CD58: variants seen among roughly 807,000 people sequenced by gnomAD.
CD58 encodes lymphocyte function-associated antigen 3.
Under a neutral mutation model 27.6 loss-of-function variants are expected in CD58, and 14 were observed. The ratio of observed to expected loss-of-function variants is 0.51; its 90% CI spans 0.34 to 0.79. CD58 has a LOEUF of 0.79. Among genes scored for constraint, CD58 ranks in the 30% least tolerant of loss-of-function variants. The pLI, the probability that CD58 is intolerant of heterozygous loss-of-function variation, is 0.02. For synonymous variants in CD58, 117 were observed against 103.8 expected, an observed-to-expected ratio of 1.13 and a Z score of -0.77; for missense variants, 268 against 301.7, an observed-to-expected ratio of 0.89 and a Z score of 0.83.
intron 1 of CD58, among the ~76,000 whole-genome samples, chr1:116,544,841 T>G (rs1658111182): frequency 6.6e-6 from 1 of 152,168 alleles, no homozygotes; most frequent in Non-Finnish European, 1.5e-5. Context: ...CGGGCTGGGC[T>G]GGGAATATGG....
intron 1 of CD58, among the ~76,000 whole-genome samples, chr1:116,562,885 A>T (rs2101226887): frequency 6.6e-6 from 1 of 152,224 alleles, no homozygotes; most frequent in South Asian, 2.1e-4. Flanking sequence ...GCCCCTCCCA[A>T]ATCTCATGTC....
chr1:116,538,364 C>T lies in CD58; in HGVS notation c.365-2136G>A, dbSNP rs988413374. On this transcript the variant is annotated intron_variant, in intron 2 of 5. Transcript: ENST00000369489. This position sits in a 1 kb window ranked among gnomAD's most constrained non-coding sequence, Gnocchi z 4.7. Reference sequence around the variant, plus strand: ...TTGCCCACCCCACCCCATAGCAGCCCTCAGGGGACTTCCAAGGAACATGCA... The same window carrying T: ...TTGCCCACCCCACCCCATAGCAGCCTTCAGGGGACTTCCAAGGAACATGCA... Among the ~76,000 whole-genome samples, 8 of 152,114 alleles carry T rather than the reference C, an allele frequency of 5.3e-5. No individual in the cohort carries two copies. Among genetic ancestry groups the T allele is most frequent in the Non-Finnish European group, 1.2e-4 (8 of 68,012 alleles).
chr1:116,533,522 C>A, intron 3 of CD58: 1 of 729,190 alleles, frequency 1.4e-6, no homozygotes. Context: ...ACTTTAATAT[C>A]CTGCAGGTAT....
chr1:116,568,779 T>G (rs1048916282), intron 1 of CD58, among the ~76,000 whole-genome samples: 3 of 152,162 alleles, frequency 2.0e-5, no homozygotes, highest in Admixed American at 6.5e-5. Context: ...GGTACTGAAG[T>G]GAAGAGAAGT....
At chr1:116,555,438 A>T (rs1359752586) in intron 1 of CD58, among the ~76,000 whole-genome samples, 1 of 152,174 alleles carries the variant, frequency 6.6e-6, no homozygotes, top group African/African-American at 2.4e-5. Context: ...GCATGGGGTG[A>T]GTTTTTGCTG....
Position 116,544,591 on chromosome 1 carries a change from A to G in CD58, c.84T>C (p.Cys28=). ...CAACACCATATATTTGTTGGGAAAAACAGCTGATGAAACCTAGGAGAGAAA... is the reference window on the plus strand; with the variant it reads ...CAACACCATATATTTGTTGGGAAAAGCAGCTGATGAAACCTAGGAGAGAAA... ...CLLHCFGFIS[C]FSQQIYGVVY... is the part of the protein sequence containing the mutation. The change falls in exon 2 of 6, where the codon TGT becomes TGC. Residue 28 remains cysteine, a synonymous_variant. Coordinates refer to ENST00000369489, the MANE Select transcript of CD58 (RefSeq NM_001779.3). 1 of 1,581,632 alleles carries G rather than the reference A, an allele frequency of 6.3e-7. No individual in the cohort carries two copies. The highest frequency in any genetic ancestry group is 8.6e-7 in the Non-Finnish European group (1 of 1,165,682).
Position 116,559,741 on chromosome 1 carries a change from TA to T in CD58, c.70+11161del, listed in dbSNP as rs1388713509. Among the ~76,000 whole-genome samples, 1 of 152,238 alleles carries T rather than the reference TA, an allele frequency of 6.6e-6. No homozygotes were observed. The highest frequency in any genetic ancestry group is 2.4e-5 in the African/African-American group (1 of 41,468). On this transcript the variant is annotated intron_variant, in intron 1 of 5. Coordinates refer to ENST00000369489, the MANE Select transcript of CD58 (RefSeq NM_001779.3). The surrounding 1 kb of genome is among the most constrained non-coding windows in gnomAD (Gnocchi z 4.4). ...ATCAAGAATTAAGATGTTGGTTCTC[TA>T]AATCAACTTCTTTCTGTACTTTCCT... is the stretch of plus-strand genomic sequence containing the variant.
chr1:116,533,454 G>A (rs1289174979), intron 3 of CD58: 2 of 747,932 alleles, frequency 2.7e-6, no homozygotes, highest in African/African-American at 3.4e-5. Context: ...GCAGTCATTG[G>A]GTTGAAAGTG....
In CD58 at chr1:116,521,792, G is replaced by A. The variant is rs141514201; in HGVS notation, c.706+114C>T. On this transcript the variant is annotated intron_variant, in intron 4 of 5. Coordinates refer to ENST00000369489, the MANE Select transcript of CD58 (RefSeq NM_001779.3). The surrounding 1 kb of genome is among the most constrained non-coding windows in gnomAD (Gnocchi z 5.6). Reference sequence around the variant, plus strand: ...ACACACGTAAAGCAAAAAAGTTTTTGTTTCTTTTCAAATGTCTAAAATTTC... The same window carrying A: ...ACACACGTAAAGCAAAAAAGTTTTTATTTCTTTTCAAATGTCTAAAATTTC... 1 of 729,730 alleles carries A rather than the reference G, an allele frequency of 1.4e-6. No homozygotes were observed. Among genetic ancestry groups the A allele is most frequent in the African/African-American group, 1.8e-5 (1 of 55,524 alleles). The allele number at this position is 729,730 out of a possible 1,614,324, so 45.2% of individuals were successfully genotyped here.
At chr1:116,564,432 C>G (rs904921630) in intron 1 of CD58, among the ~76,000 whole-genome samples, 2 of 152,176 alleles carry the variant, frequency 1.3e-5, no homozygotes, top group East Asian at 1.9e-4. Context: ...TGCCCCACTA[C>G]CCAGTACCAA....
At chr1:116,562,318 A>G (rs1265423616) in intron 1 of CD58, among the ~76,000 whole-genome samples, 5 of 152,172 alleles carry the variant, frequency 3.3e-5, no homozygotes, top group Admixed American at 3.3e-4. Context: ...TAATAATAAA[A>G]TAGTTCCTAC....
chr1:116,528,948 T>C lies in CD58; in HGVS notation c.629-6965A>G, dbSNP rs184577804. 5.3e-5 allele frequency among the ~76,000 whole-genome samples: 8 copies of C among 152,360 alleles called. 1 individual carries two copies. Among genetic ancestry groups the C allele is most frequent in the Admixed American group, 4.6e-4 (7 of 15,306 alleles). ...AAACCATTGGCTGTATATAATGTTATACCAAATGTCCTCTCTTGAAACTCT... is the reference window on the plus strand; with the variant it reads ...AAACCATTGGCTGTATATAATGTTACACCAAATGTCCTCTCTTGAAACTCT... On this transcript the variant is annotated intron_variant, in intron 3 of 5. Coordinates refer to ENST00000369489, the MANE Select transcript of CD58 (RefSeq NM_001779.3). The surrounding 1 kb of genome is among the most constrained non-coding windows in gnomAD (Gnocchi z 4.4).
At chr1:116,553,429 G>A (rs1448693870) in intron 1 of CD58, among the ~76,000 whole-genome samples, 1 of 152,118 alleles carries the variant, frequency 6.6e-6, no homozygotes, top group Non-Finnish European at 1.5e-5. Flanking sequence ...GCTAGGCAAA[G>A]TGGTTCAAGA....
chr1:116,536,288 C>A lies in CD58; in HGVS notation c.365-60G>T. The stretch of plus-strand genomic sequence containing the variant: ...TAGTAATATTTAGACTTATCATCTG[C>A]AAATTTATGAAGAGCTCGCAACCTC... On this transcript the variant is annotated intron_variant, in intron 2 of 5. Coordinates refer to ENST00000369489, the MANE Select transcript of CD58 (RefSeq NM_001779.3). The surrounding 1 kb of genome is among the most constrained non-coding windows in gnomAD (Gnocchi z 5.4). 2.2e-6 allele frequency: 3 copies of A among 1,345,208 alleles called. No individual in the cohort carries two copies. The highest frequency in any genetic ancestry group is 3.0e-6 in the Non-Finnish European group (3 of 991,882). 83.3% of individuals were successfully genotyped at this position (1,345,208 alleles called of 1,614,324 possible).
Position 116,536,049 on chromosome 1 carries a change from G to T in CD58, c.544C>A (p.Pro182Thr). 2 of 1,612,972 alleles carry T rather than the reference G, an allele frequency of 1.2e-6. No individual in the cohort carries two copies. Among genetic ancestry groups the T allele is most frequent in the Non-Finnish European group, 1.7e-6 (2 of 1,179,278 alleles). Residue 182 changes from proline to threonine, a missense_variant, in exon 3 of 6, where the codon CCA becomes ACA. Transcript: ENST00000369489. The surrounding 1 kb of genome is among the most constrained non-coding windows in gnomAD (Gnocchi z 5.4). Reference protein sequence around the residue: ...SIYFKMENDLPQKIQCTLSNP... With the variant: ...SIYFKMENDLTQKIQCTLSNP... Reference sequence around the variant, plus strand: ...CTAAGAGTACACTGTATTTTTTGTGGAAGATCATTTTCCATCTTAAAATAT... The same window carrying T: ...CTAAGAGTACACTGTATTTTTTGTGTAAGATCATTTTCCATCTTAAAATAT...
chr1:116,521,998 A>T lies in CD58; in HGVS notation c.629-15T>A. On this transcript the variant is annotated splice_polypyrimidine_tract_variant and intron_variant, in intron 3 of 5. Coordinates refer to ENST00000369489, the MANE Select transcript of CD58 (RefSeq NM_001779.3). This position sits in a 1 kb window ranked among gnomAD's most constrained non-coding sequence, Gnocchi z 5.6. ...TCTTGAATGACCTATAAAAAAGAAA[A>T]GAAAAGAAATTCAACTAGTTGAACT... 1.4e-6 allele frequency: 2 copies of T among 1,449,878 alleles called. No individual in the cohort carries two copies. Among genetic ancestry groups the T allele is most frequent in the Non-Finnish European group, 1.9e-6 (2 of 1,044,890 alleles). The allele number at this position is 1,449,878 out of a possible 1,614,324, so 89.8% of individuals were successfully genotyped here.
Position 116,548,246 on chromosome 1 carries a change from G to T in CD58, c.71-3642C>A, listed in dbSNP as rs529317067. ...GTTTGTGAATATTTTCTCCCACTTT[G>T]TGGGTTGTGTGTTTACTCTGCTGAT... On this transcript the variant is annotated intron_variant, in intron 1 of 5. Coordinates refer to ENST00000369489, the MANE Select transcript of CD58 (RefSeq NM_001779.3). Among the ~76,000 whole-genome samples, 4 of 152,338 alleles carry T rather than the reference G, an allele frequency of 2.6e-5. No homozygotes were observed. The East Asian group carries it at 7.7e-4, about 29-fold the overall frequency.
intron 5 of CD58, among the ~76,000 whole-genome samples, chr1:116,518,318 C>A (rs1278380710): frequency 2.0e-5 from 3 of 152,022 alleles, no homozygotes; most frequent in Non-Finnish European, 2.9e-5. Context: ...CACCTTGACT[C>A]AGGCCCTCTT....
At chr1:116,544,793 C>A (rs1658109575) in intron 1 of CD58, among the ~76,000 whole-genome samples, 189 bp from the exon 2 acceptor site, 1 of 152,142 alleles carries the variant, frequency 6.6e-6, no homozygotes, top group African/African-American at 2.4e-5. Flanking sequence ...AGAAATGGAC[C>A]CGACATTCAT....
Sources: gnomAD v4.1 joint callset for allele counts (sites outside exome capture counted in the v4.1 genomes callset) on GRCh38, gnomAD v4.1.1 for gene constraint, Gnocchi (gnomAD v3.1) non-coding constraint, MANE v1.5 for transcripts, NCBI Gene and HGNC (gene_info 2026-07-23, HGNC 2026-07-21) for gene names.